The following CTNNA3 variants were observed in gnomAD, a reference collection of about 807,000 sequenced individuals.
CTNNA3 encodes catenin alpha 3.
In CTNNA3, 76 loss-of-function variants were observed where a neutral mutation model predicts 95.7. The observed-to-expected ratio is 0.79, with a 90% CI of 0.66 to 0.96. CTNNA3 has a LOEUF of 0.96. CTNNA3 is among the 40% of genes least tolerant of loss of function. CTNNA3 has a pLI of 0.00. For synonymous variants in CTNNA3, 431 were observed against 374.4 expected, an observed-to-expected ratio of 1.15 and a Z score of -1.74; for missense variants, 1,191 against 1,089.8, an observed-to-expected ratio of 1.09 and a Z score of -1.31.
chr10:66,539,473 A>AT (rs1841773212), intron 10 of CTNNA3, among the ~76,000 whole-genome samples: 2 of 152,170 alleles, frequency 1.3e-5, no homozygotes, highest in South Asian at 4.1e-4. Flanking sequence ...ACTGGTCTTT[A>AT]TCAGTGTGAA....
At chr10:66,253,274 A>G (rs1384992666) in intron 13 of CTNNA3, among the ~76,000 whole-genome samples, 1 of 152,166 alleles carries the variant, frequency 6.6e-6, no homozygotes, top group Non-Finnish European at 1.5e-5. Context: ...GCAAATGCAC[A>G]TTAATATTCT....
intron 1 of CTNNA3, among the ~76,000 whole-genome samples, chr10:67,728,560 G>A (rs1841257652): frequency 6.7e-6 from 1 of 149,284 alleles, no homozygotes; most frequent in Non-Finnish European, 1.5e-5. Context: ...CCAGGTTCAA[G>A]CGATTCCAGG....
At chr10:66,191,918 C>A (rs568798237) in intron 13 of CTNNA3, among the ~76,000 whole-genome samples, 3 of 152,220 alleles carry the variant, frequency 2.0e-5, no homozygotes, top group Non-Finnish European at 4.4e-5. Flanking sequence ...ATGTCATTAT[C>A]ACAGGAGTGG....
At chr10:65,932,255 C>A (rs1381743978) in intron 17 of CTNNA3, among the ~76,000 whole-genome samples, 2 of 152,144 alleles carry the variant, frequency 1.3e-5, no homozygotes, top group Non-Finnish European at 2.9e-5. Flanking sequence ...AATGATATAG[C>A]AGAATGGGAT....
intron 7 of CTNNA3, among the ~76,000 whole-genome samples, chr10:66,947,561 TA>T (rs1564787395): frequency 1.3e-5 from 2 of 152,116 alleles, no homozygotes; most frequent in African/African-American, 4.8e-5. Flanking sequence ...GCTGAAAATA[TA>T]AAAAAGCATC....
intron 12 of CTNNA3, among the ~76,000 whole-genome samples, chr10:66,299,259 C>T (rs748870503): frequency 5.3e-5 from 8 of 152,138 alleles, no homozygotes; most frequent in Admixed American, 1.3e-4. Context: ...GTGTCACAGG[C>T]GTGGGTCCTC....
chr10:66,495,497 A>G (rs929173713), intron 11 of CTNNA3, among the ~76,000 whole-genome samples: 1 of 152,232 alleles, frequency 6.6e-6, no homozygotes, highest in Non-Finnish European at 1.5e-5. Flanking sequence ...TGGAGATACA[A>G]AGATCAATGT....
intron 9 of CTNNA3, among the ~76,000 whole-genome samples, chr10:66,728,155 C>A (rs961443175): frequency 6.6e-6 from 1 of 152,152 alleles, no homozygotes; most frequent in Non-Finnish European, 1.5e-5. Flanking sequence ...AGATGTGTAG[C>A]TTTTGCAAGT....
chr10:66,811,201 A>G (rs557072347), intron 7 of CTNNA3, among the ~76,000 whole-genome samples: 1 of 152,316 alleles, frequency 6.6e-6, no homozygotes. Flanking sequence ...ATGATTCTAG[A>G]TAAGGCAACC....
At chr10:66,373,941 C>T (rs954259345) in intron 12 of CTNNA3, among the ~76,000 whole-genome samples, 5 of 152,216 alleles carry the variant, frequency 3.3e-5, no homozygotes, top group African/African-American at 7.2e-5. Flanking sequence ...TAATGAATCA[C>T]TTTCTTAATC....
At chr10:65,977,641 G>T (rs947199815) in intron 16 of CTNNA3, among the ~76,000 whole-genome samples, 2 of 151,972 alleles carry the variant, frequency 1.3e-5, no homozygotes, top group Admixed American at 6.6e-5. Flanking sequence ...TATTAGCCGG[G>T]CATGGTGACT....
At chr10:67,422,696 T>C (rs2132872270) in intron 5 of CTNNA3, among the ~76,000 whole-genome samples, 1 of 152,258 alleles carries the variant, frequency 6.6e-6, no homozygotes, top group East Asian at 1.9e-4. Flanking sequence ...CTCTTTCTCC[T>C]GCTCCACCAT....
intron 14 of CTNNA3, among the ~76,000 whole-genome samples, chr10:66,082,475 G>A (rs1333118646): frequency 1.3e-5 from 2 of 152,120 alleles, no homozygotes; most frequent in African/African-American, 4.8e-5. Context: ...ATACTCTAGA[G>A]GGGACTAGGA....
chr10:66,403,844 A>G (rs1211342449), intron 11 of CTNNA3, among the ~76,000 whole-genome samples: 1 of 152,176 alleles, frequency 6.6e-6, no homozygotes, highest in Non-Finnish European at 1.5e-5. Context: ...GCATCAGCCA[A>G]GCTAACTTTG....
At chr10:66,740,057 G>C (rs1287735873) in intron 9 of CTNNA3, among the ~76,000 whole-genome samples, 1 of 152,192 alleles carries the variant, frequency 6.6e-6, no homozygotes, top group African/African-American at 2.4e-5. Flanking sequence ...ATCATGTCTT[G>C]AGTGCAGAAT....
At chr10:67,714,926 C>T (rs1257341705) in intron 1 of CTNNA3, among the ~76,000 whole-genome samples, 1 of 152,204 alleles carries the variant, frequency 6.6e-6, no homozygotes, top group Non-Finnish European at 1.5e-5. Flanking sequence ...TCACCTTCCA[C>T]CATGATTGTG....
Position 66,327,242 on chromosome 10 carries a change from T to TG in CTNNA3, c.1733-46622_1733-46621insC, listed in dbSNP as rs564674836. 4.5e-4 allele frequency among the ~76,000 whole-genome samples: 69 copies of TG among 152,186 alleles called. 1 individual carries two copies. In the South Asian group the frequency reaches 0.014, roughly 31 times the overall value. Reference sequence around the variant, plus strand: ...GTTTAAAAGCCAGCAACTGTGAATGTTCAAATAGGAATGTTCCTGCTATCA... The same window carrying TG: ...GTTTAAAAGCCAGCAACTGTGAATGTGTCAAATAGGAATGTTCCTGCTATCA... On this transcript the variant is annotated intron_variant, in intron 12 of 17. Coordinates refer to ENST00000433211, the MANE Select transcript of CTNNA3 (RefSeq NM_013266.4).
intron 12 of CTNNA3, among the ~76,000 whole-genome samples, chr10:66,302,265 A>G (rs2091872989): frequency 6.6e-6 from 1 of 152,064 alleles, no homozygotes; most frequent in South Asian, 2.1e-4. Flanking sequence ...AATCAAGTTA[A>G]TATTTAATAC....
Position 67,736,277 on chromosome 10 carries a change from G to A in CTNNA3, c.-2+27157C>T, listed in dbSNP as rs547172056. 3.9e-5 allele frequency among the ~76,000 whole-genome samples: 6 copies of A among 152,226 alleles called. No homozygotes were observed. The East Asian group carries it at 1.2e-3, about 29-fold the overall frequency. On this transcript the variant is annotated intron_variant, in intron 1 of 17. Coordinates refer to the CTNNA3 transcript ENST00000684154. The stretch of plus-strand genomic sequence containing the variant: ...AGTTACCAGAAACTAGGGGCAGGAA[G>A]GAAAGTGGGGTTACCATTTATTGGC...
Sources: allele counts gnomAD v4.1 joint callset (sites outside exome capture counted in the v4.1 genomes callset), GRCh38; gene constraint gnomAD v4.1.1; transcripts MANE v1.5; gene names NCBI Gene and HGNC (gene_info 2026-07-23, HGNC 2026-07-21).